FMN2: variants seen among roughly 807,000 people sequenced by gnomAD.
The protein encoded by FMN2 is formin-2.
In FMN2, 51 loss-of-function variants were observed where a neutral mutation model predicts 142.3. The observed-to-expected ratio is 0.36, with a 90% CI of 0.29 to 0.45. The LOEUF (loss-of-function observed/expected upper bound fraction) is 0.45, where lower values mean the gene tolerates loss of function less well. FMN2 is among the 20% of genes least tolerant of loss of function. The pLI, the probability that FMN2 is intolerant of heterozygous loss-of-function variation, is 1.00. For synonymous variants in FMN2, 882 were observed against 869.8 expected (o/e 1.01, Z -0.25); for missense variants, 1,936 against 2,122.8 (o/e 0.91, Z 1.73).
chr1:240,258,074 T>A, intron 7 of FMN2, 42 bp downstream of exon 7: 1 of 1,492,194 alleles, frequency 6.7e-7, no homozygotes, highest in Non-Finnish European at 9.3e-7. Flanking sequence ...ATATTAAAAT[T>A]TGGGCTGAGG....
intron 15 of FMN2, among the ~76,000 whole-genome samples, chr1:240,410,162 GAAA>G (rs34061142): frequency 4.1e-4 from 61 of 149,342 alleles, no homozygotes; most frequent in East Asian, 2.3e-3. Flanking sequence ...ACATAAATCT[GAAA>G]AAAAAAAAAT....
intron 6 of FMN2, among the ~76,000 whole-genome samples, chr1:240,249,827 T>A (rs934447826): frequency 6.6e-6 from 1 of 152,088 alleles, no homozygotes; most frequent in African/African-American, 2.4e-5. Context: ...CTTGGTTAAA[T>A]TTATTCCTAA....
chr1:240,275,682 G>A (rs560669119), intron 7 of FMN2, among the ~76,000 whole-genome samples: 55 of 152,196 alleles, frequency 3.6e-4, no homozygotes, highest in Admixed American at 1.4e-3. Context: ...CCTCCACAAT[G>A]GTTGAACTAA....
intron 8 of FMN2, among the ~76,000 whole-genome samples, chr1:240,308,199 A>C (rs1670479055): frequency 6.6e-6 from 1 of 152,174 alleles, no homozygotes; most frequent in Non-Finnish European, 1.5e-5. Flanking sequence ...CTGAAGTGTG[A>C]GCAAGTCTGA....
chr1:240,184,903 T>C (rs1040552895), intron 3 of FMN2, among the ~76,000 whole-genome samples: 3 of 151,858 alleles, frequency 2.0e-5, no homozygotes, highest in Non-Finnish European at 4.4e-5. Context: ...TAAAGGACAC[T>C]TTCGCCATTT....
intron 8 of FMN2, among the ~76,000 whole-genome samples, chr1:240,303,550 G>A (rs1670279387): frequency 6.6e-6 from 1 of 152,150 alleles, no homozygotes; most frequent in Non-Finnish European, 1.5e-5. Flanking sequence ...CATTTCTTGT[G>A]TGTGACCAGT....
intron 6 of FMN2, among the ~76,000 whole-genome samples, chr1:240,237,231 A>G (rs1156764223): frequency 6.6e-6 from 1 of 152,138 alleles, no homozygotes; most frequent in Non-Finnish European, 1.5e-5. Context: ...GTCCCTGTTG[A>G]TGGTTCTTGT....
At chr1:240,363,964 T>C (rs1672577116) in intron 14 of FMN2, among the ~76,000 whole-genome samples, 1 of 152,126 alleles carries the variant, frequency 6.6e-6, no homozygotes, top group African/African-American at 2.4e-5. Context: ...AGTGGGGGGT[T>C]CAGTAAATTT....
At chr1:240,234,613 G>A (rs1307282846) in intron 6 of FMN2, among the ~76,000 whole-genome samples, 1 of 152,128 alleles carries the variant, frequency 6.6e-6, no homozygotes, top group South Asian at 2.1e-4. Context: ...TGCTTTAGGA[G>A]ATGTGTAAAA....
chr1:240,205,324 C>T (rs1478149414), intron 4 of FMN2, among the ~76,000 whole-genome samples: 1 of 152,146 alleles, frequency 6.6e-6, no homozygotes, highest in Non-Finnish European at 1.5e-5. Flanking sequence ...ATTGACACTG[C>T]AGTTTCCACA....
At chr1:240,209,173 C>G (rs1403275403) in intron 5 of FMN2, among the ~76,000 whole-genome samples, 1 of 151,976 alleles carries the variant, frequency 6.6e-6, no homozygotes, top group Admixed American at 6.6e-5. Flanking sequence ...ATGTAAGAAT[C>G]TACTCTTTGC....
At chr1:240,212,081 A>C (rs1481798231) in intron 6 of FMN2, among the ~76,000 whole-genome samples, 1 of 152,132 alleles carries the variant, frequency 6.6e-6, no homozygotes, top group African/African-American at 2.4e-5. Flanking sequence ...TTGGGAAGCA[A>C]AGAGGGAAAA....
At chr1:240,145,434 T>C in intron 2 of FMN2, 1 of 358,946 alleles carries the variant, frequency 2.8e-6, no homozygotes, top group East Asian at 4.5e-5. Flanking sequence ...TATATATATG[T>C]ATATATTATA....
At chr1:240,356,983 A>G (rs1422447834) in intron 14 of FMN2, among the ~76,000 whole-genome samples, 2 of 152,214 alleles carry the variant, frequency 1.3e-5, no homozygotes, top group Non-Finnish European at 2.9e-5. Flanking sequence ...CTTAGAGTGG[A>G]AAATCTACTC....
intron 8 of FMN2, among the ~76,000 whole-genome samples, chr1:240,303,127 G>A (rs927521331): frequency 6.6e-6 from 1 of 151,982 alleles, no homozygotes; most frequent in African/African-American, 2.4e-5. Context: ...GTACCCTGAG[G>A]CTGCGCTCTC....
Position 240,206,712 on chromosome 1 carries a change from C to A in FMN2, c.1987-87C>A, listed in dbSNP as rs1188323318. 4 of 1,433,516 alleles carry A rather than the reference C, an allele frequency of 2.8e-6. No homozygotes were observed. The South Asian group carries it at 4.3e-5, about 15-fold the overall frequency. The allele number at this position is 1,433,516 out of a possible 1,614,324, so 88.8% of individuals were successfully genotyped here. A position where few individuals can be genotyped will look rare whatever the true frequency, so the allele number is the denominator to read the frequency against. On this transcript the variant is annotated intron_variant, in intron 4 of 17. Coordinates refer to ENST00000319653, the MANE Select transcript of FMN2 (RefSeq NM_020066.5). ...AGGAGTCCTTCTGGAAGTATGACAACAAACAGATATAATTTTGCTTAATTT... is the reference window on the plus strand; with the variant it reads ...AGGAGTCCTTCTGGAAGTATGACAAAAAACAGATATAATTTTGCTTAATTT...
intron 1 of FMN2, among the ~76,000 whole-genome samples, chr1:240,095,391 A>ACACACC (rs1661162802): frequency 6.6e-6 from 1 of 151,710 alleles, no homozygotes; most frequent in African/African-American, 2.4e-5. Context: ...GTGCATACAC[A>ACACACC]CACACACACA....
intron 7 of FMN2, among the ~76,000 whole-genome samples, chr1:240,292,880 A>G (rs956635067): frequency 6.6e-6 from 1 of 152,138 alleles, no homozygotes; most frequent in African/African-American, 2.4e-5. Context: ...AAGCATGATT[A>G]GATTTTGCCC....
intron 14 of FMN2, among the ~76,000 whole-genome samples, chr1:240,359,963 C>T (rs2103052574): frequency 6.6e-6 from 1 of 152,286 alleles, no homozygotes; most frequent in South Asian, 2.1e-4. Flanking sequence ...TCTTGCTCAC[C>T]AGGCATAGGT....
Sources: allele counts gnomAD v4.1 joint callset (sites outside exome capture counted in the v4.1 genomes callset), GRCh38; gene constraint gnomAD v4.1.1; transcripts MANE v1.5; gene names NCBI Gene and HGNC (gene_info 2026-07-23, HGNC 2026-07-21).